Variants in CARMIL1 observed in about 807,000 individuals in gnomAD.
The protein encoded by CARMIL1 is F-actin-uncapping protein LRRC16A.
Under a neutral mutation model 177.1 loss-of-function variants are expected in CARMIL1, and 90 were observed. The ratio of observed to expected loss-of-function variants is 0.51; its 90% CI spans 0.43 to 0.61. The LOEUF is 0.61. Among genes scored for constraint, CARMIL1 ranks in the 20% least tolerant of loss-of-function variants. The pLI is 0.00. For synonymous variants in CARMIL1, 577 were observed against 606.2 expected (o/e 0.95, Z 0.71); for missense variants, 1,380 against 1,667.0 (o/e 0.83, Z 3.00).
intron 5 of CARMIL1, among the ~76,000 whole-genome samples, chr6:25,444,053 T>C (rs1797997220): frequency 6.6e-6 from 1 of 152,176 alleles, no homozygotes; most frequent in Admixed American, 6.5e-5. Flanking sequence ...TCCGCCTGCC[T>C]CAGCCTTCCA....
In CARMIL1 at chr6:25,551,009, A is replaced by G; in HGVS notation, c.2428A>G (p.Lys810Glu). The part of the protein sequence containing the change: ...RQDLIHASTE[K>E]ISIPRTFVKN... ...AGACTTGATTCATGCCAGCACCGAA[A>G]AGATTTCTATTCCACGTACCTTTGT... is the stretch of plus-strand genomic sequence containing the variant. The change falls in exon 27 of 37, where the codon AAG becomes GAG. Residue 810 changes from lysine to glutamate, a missense_variant. By Grantham distance (56) the Lys-to-Glu change is moderately conservative. Transcript: ENST00000329474. 1 of 1,613,518 alleles carries G rather than the reference A, an allele frequency of 6.2e-7. No individual in the cohort carries two copies. Among genetic ancestry groups the G allele is most frequent in the Non-Finnish European group, 8.5e-7 (1 of 1,179,558 alleles).
chr6:25,594,428 A>G lies in CARMIL1; in HGVS notation c.3020A>G (p.Asn1007Ser). 6.2e-7 allele frequency: 1 copy of G among 1,611,042 alleles called. No individual in the cohort carries two copies. The highest frequency in any genetic ancestry group is 8.5e-7 in the Non-Finnish European group (1 of 1,178,254). Residue 1007 changes from asparagine to serine, a missense_variant, in exon 32 of 37, where the codon AAC becomes AGC. Transcript: ENST00000329474. ...QPTQAAVCAANIVSQDGEQNG... is the reference protein window; with the variant it reads ...QPTQAAVCAASIVSQDGEQNG... ...TTTGTTTTGCAGGTCTGTGCTGCCAACATAGTCTCACAAGATGGTGAACAG... is the reference window on the plus strand; with the variant it reads ...TTTGTTTTGCAGGTCTGTGCTGCCAGCATAGTCTCACAAGATGGTGAACAG...
At chr6:25,588,459 AG>A (rs1813982652) in intron 31 of CARMIL1, among the ~76,000 whole-genome samples, 2 of 152,168 alleles carry the variant, frequency 1.3e-5, no homozygotes, top group Admixed American at 1.3e-4. Flanking sequence ...GATGACATAA[AG>A]CATGAAGGTT....
intron 32 of CARMIL1, 42 bp from the exon 33 acceptor site, chr6:25,600,272 T>G (rs770461420): frequency 6.5e-7 from 1 of 1,526,794 alleles, no homozygotes; most frequent in South Asian, 1.3e-5. Context: ...GGAACTTATT[T>G]ACAGTAAAAA....
At chr6:25,458,011 A>C (rs1229653800) in intron 8 of CARMIL1, among the ~76,000 whole-genome samples, 2 of 152,192 alleles carry the variant, frequency 1.3e-5, no homozygotes, top group Admixed American at 1.3e-4. Context: ...GAGAGATGGC[A>C]GGCAGGGGAA....
At chr6:25,342,598 T>C (rs1017985641) in intron 2 of CARMIL1, among the ~76,000 whole-genome samples, 1 of 145,730 alleles carries the variant, frequency 6.9e-6, no homozygotes, top group African/African-American at 2.6e-5. Flanking sequence ...TCTTTCTAGT[T>C]AGGCTTGAAA....
intron 29 of CARMIL1, among the ~76,000 whole-genome samples, chr6:25,570,656 A>G (rs1811993564): frequency 2.0e-5 from 3 of 152,240 alleles, no homozygotes; most frequent in South Asian, 2.1e-4. Context: ...GATCTTTTCA[A>G]TAGTCTCTCA....
rs929631067 is a variant in CARMIL1, at chr6:25,471,334, T to G, written c.779+77T>G. 4.2e-5 allele frequency: 43 copies of G among 1,031,086 alleles called. No individual in the cohort carries two copies. In the East Asian group the frequency reaches 1.0e-3, roughly 24 times the overall value. 63.9% of individuals were successfully genotyped at this position (1,031,086 alleles called of 1,614,324 possible). ...TTGCTCTTCTAATTAATTCATAGTT[T>G]TTTTTTTTTTTAATTGGGCTGATCA... is the stretch of plus-strand genomic sequence containing the variant. On this transcript the variant is annotated intron_variant, in intron 10 of 36. Coordinates refer to ENST00000329474, the MANE Select transcript of CARMIL1 (RefSeq NM_017640.6).
chr6:25,550,982 CA>C lies in CARMIL1; in HGVS notation c.2403del (p.Asp802ThrfsTer2). 1 of 1,613,570 alleles carries C rather than the reference CA, an allele frequency of 6.2e-7. No homozygotes were observed. The highest frequency in any genetic ancestry group is 8.5e-7 in the Non-Finnish European group (1 of 1,179,594). ...TGTGATGAAAAAAGCCCACATTCGA[CA>C]AGACTTGATTCATGCCAGCACCGAA... ...PNVMKKAHIR[Q>X]DLIHASTEKI... On this transcript the variant is annotated frameshift_variant, in exon 27 of 37. Transcript: ENST00000329474. LOFTEE classifies it high-confidence loss of function.
chr6:25,559,710 T>G (rs558431665), intron 29 of CARMIL1, among the ~76,000 whole-genome samples: 1 of 152,340 alleles, frequency 6.6e-6, no homozygotes, highest in African/African-American at 2.4e-5. Context: ...CAACCTGCTA[T>G]TCACAGATTT....
chr6:25,330,037 T>C (rs919535690), intron 2 of CARMIL1, among the ~76,000 whole-genome samples: 2 of 152,140 alleles, frequency 1.3e-5, no homozygotes, highest in African/African-American at 4.8e-5. Context: ...AAATTGAAGG[T>C]AGGGAGTTGA....
intron 3 of CARMIL1, among the ~76,000 whole-genome samples, chr6:25,425,106 CTAATT>C (rs1219348607): frequency 3.3e-5 from 5 of 152,198 alleles, no homozygotes. Context: ...AACTTCTACT[CTAATT>C]TAATGCTTTT....
At chr6:25,490,457 G>A (rs1057490060) in intron 13 of CARMIL1, among the ~76,000 whole-genome samples, 2 of 152,080 alleles carry the variant, frequency 1.3e-5, no homozygotes, top group Non-Finnish European at 2.9e-5. Context: ...CAGCACTTTT[G>A]GAGGCTAAGG....
chr6:25,517,469 GTA>G, intron 22 of CARMIL1, 54 bp downstream of exon 22: 2 of 1,376,570 alleles, frequency 1.5e-6, no homozygotes, highest in Non-Finnish European at 2.1e-6. Flanking sequence ...AAAACCAATG[GTA>G]TATATGTTAC....
At chr6:25,280,199 C>T (rs1780961563) in intron 1 of CARMIL1, among the ~76,000 whole-genome samples, 1 of 152,036 alleles carries the variant, frequency 6.6e-6, no homozygotes. Context: ...GAGCCCTTTA[C>T]AGCTCCCAGC....
chr6:25,392,617 A>C (rs572006938), intron 2 of CARMIL1, among the ~76,000 whole-genome samples: 1 of 152,272 alleles, frequency 6.6e-6, no homozygotes, highest in East Asian at 1.9e-4. Flanking sequence ...GATCTGTGTA[A>C]CTGAACATTT....
At chr6:25,471,290 C>A in intron 10 of CARMIL1, 33 bp downstream of exon 10, 1 of 1,465,652 alleles carries the variant, frequency 6.8e-7, no homozygotes, top group Non-Finnish European at 9.4e-7. Context: ...AAATATGTTG[C>A]TTTAAAACTC....
intron 26 of CARMIL1, among the ~76,000 whole-genome samples, chr6:25,546,675 A>C (rs200953929): frequency 1.9e-3 from 142 of 74,158 alleles, no homozygotes; most frequent in African/African-American, 6.0e-3. Flanking sequence ...ACAACAAAAA[A>C]AAAAAAAAAA....
At chr6:25,491,578 C>T (rs1365010223) in intron 13 of CARMIL1, among the ~76,000 whole-genome samples, 154 bp from the exon 14 acceptor site, 4 of 152,092 alleles carry the variant, frequency 2.6e-5, no homozygotes, top group African/African-American at 9.7e-5. Flanking sequence ...TGTCAGGGAA[C>T]CTAAAGGAAT....
Sources: gnomAD v4.1 joint callset for allele counts (sites outside exome capture counted in the v4.1 genomes callset) on GRCh38, gnomAD v4.1.1 for gene constraint, MANE v1.5 for transcripts, NCBI Gene and HGNC (gene_info 2026-07-23, HGNC 2026-07-21) for gene names.